TRIQK: variants seen among roughly 807,000 people sequenced by gnomAD.
TRIQK encodes triple QxxK/R motif containing.
In TRIQK, 10 loss-of-function variants were observed where a neutral mutation model predicts 10.8. That is an observed-to-expected ratio of 0.92 (90% CI 0.57 to 1.57). The LOEUF (loss-of-function observed/expected upper bound fraction) is 1.57. TRIQK is among the 40% of genes most tolerant of loss of function. TRIQK has a pLI of 0.00. For missense variants in TRIQK, 107 were observed against 97.7 expected (o/e 1.09, Z -0.40); for synonymous variants, 33 against 33.7 (o/e 0.98, Z 0.07).
In TRIQK at chr8:92,885,215, A is replaced by G. The variant is rs1816412167; in HGVS notation, c.*1407T>C. 1 of 351,842 alleles carries G rather than the reference A, an allele frequency of 2.8e-6. No homozygotes were observed. The allele number at this position is 351,842 out of a possible 1,614,324, so 21.8% of individuals were successfully genotyped here. On this transcript the variant is annotated 3_prime_UTR_variant, in exon 5 of 5. Transcript: ENST00000521988. ...CTACTTGAAAAAAATTCTACAGAAC[A>G]TAATGCTACACAGTCACAGTCGACT...
chr8:92,990,344 C>T (rs550363600), intron 1 of TRIQK, among the ~76,000 whole-genome samples: 19 of 152,152 alleles, frequency 1.2e-4, no homozygotes, highest in Admixed American at 4.6e-4. Flanking sequence ...TGTGATGCTC[C>T]TTTTTCATTT....
intron 2 of TRIQK, among the ~76,000 whole-genome samples, chr8:92,938,559 T>C (rs1356460676): frequency 1.3e-5 from 2 of 152,150 alleles, no homozygotes; most frequent in Non-Finnish European, 2.9e-5. Context: ...TGGAAAAACT[T>C]CTGACATGAT....
intron 3 of TRIQK, among the ~76,000 whole-genome samples, chr8:92,897,372 G>A (rs1225937749): frequency 6.6e-6 from 1 of 152,166 alleles, no homozygotes; most frequent in Non-Finnish European, 1.5e-5. Context: ...TAATTTGAAT[G>A]TGTCCTGAAA....
rs772277822 is a variant in TRIQK at position 92,884,399 on chromosome 8, T to C, written c.*2223A>G. ...ATATATTGTGTCACTTTACCTACTATTTACTAAAATCAGAGAGTTTAGCCT... is the reference window on the plus strand; with the variant it reads ...ATATATTGTGTCACTTTACCTACTACTTACTAAAATCAGAGAGTTTAGCCT... On this transcript the variant is annotated 3_prime_UTR_variant, in exon 5 of 5. Transcript: ENST00000521988. 9.3e-5 allele frequency: 16 copies of C among 171,966 alleles called. No individual in the cohort carries two copies. The highest frequency in any genetic ancestry group is 1.9e-4 in the Non-Finnish European group (15 of 79,370). 10.7% of individuals were successfully genotyped at this position (171,966 alleles called of 1,614,324 possible).
chr8:92,930,246 T>C (rs1339745574), intron 2 of TRIQK, among the ~76,000 whole-genome samples: 1 of 150,194 alleles, frequency 6.7e-6, no homozygotes, highest in Non-Finnish European at 1.5e-5. Flanking sequence ...AAAAATTAAC[T>C]GGTCTTGGTG....
chr8:92,895,992 T>C, intron 3 of TRIQK, among the ~76,000 whole-genome samples: 1 of 152,064 alleles, frequency 6.6e-6, no homozygotes, highest in African/African-American at 2.4e-5. Flanking sequence ...AAGAGATTAC[T>C]AGGGAGAGAA....
intron 3 of TRIQK, among the ~76,000 whole-genome samples, chr8:92,909,140 T>TA (rs966263863): frequency 2.0e-4 from 30 of 152,006 alleles, no homozygotes; most frequent in African/African-American, 4.6e-4. Flanking sequence ...GGAATCTTGT[T>TA]AAAAAAACTC....
upstream of TRIQK, among the ~76,000 whole-genome samples, chr8:92,969,774 T>C (rs898519527): frequency 3.6e-5 from 5 of 139,834 alleles, no homozygotes; most frequent in Non-Finnish European, 6.1e-5. Context: ...TTTTCTTTTT[T>C]TAAAAAAAAT....
Position 92,884,087 on chromosome 8 carries a change from C to G in TRIQK, c.*2535G>C, listed in dbSNP as rs1377259715. 1 of 151,632 alleles carries G rather than the reference C, an allele frequency of 6.6e-6. No individual in the cohort carries two copies. The highest frequency in any genetic ancestry group is 2.4e-5 in the African/African-American group (1 of 41,364). The allele number at this position is 151,632 out of a possible 1,614,324, so 9.4% of individuals were successfully genotyped here. On this transcript the variant is annotated 3_prime_UTR_variant, in exon 5 of 5. Transcript: ENST00000521988. Reference sequence around the variant, plus strand: ...TATTCTAACACTTAAAAAATCATTACAATTTTTTCTGTTTTTGTCTTCTAA... The same window carrying G: ...TATTCTAACACTTAAAAAATCATTAGAATTTTTTCTGTTTTTGTCTTCTAA...
At chr8:92,939,855 G>A (rs1234012212) in intron 2 of TRIQK, among the ~76,000 whole-genome samples, 1 of 152,228 alleles carries the variant, frequency 6.6e-6, no homozygotes. Context: ...CATTCCTAAG[G>A]AGCATAGCCT....
At chr8:92,985,245 C>T (rs556202173) in intron 1 of TRIQK, among the ~76,000 whole-genome samples, 30 of 152,174 alleles carry the variant, frequency 2.0e-4, no homozygotes, top group East Asian at 5.8e-4. Flanking sequence ...TGTGTGCACG[C>T]GCACGCATGC....
intron 1 of TRIQK, among the ~76,000 whole-genome samples, chr8:92,983,172 G>T (rs1813002179): frequency 6.6e-6 from 1 of 151,918 alleles, no homozygotes; most frequent in Admixed American, 6.6e-5. Context: ...AGACAGCAGG[G>T]TTGCTACCCA....
At chr8:93,001,722 C>G (rs1379120460) in intron 1 of TRIQK, among the ~76,000 whole-genome samples, 3 of 152,108 alleles carry the variant, frequency 2.0e-5, no homozygotes, top group African/African-American at 7.2e-5. Flanking sequence ...CAAAGGTGGA[C>G]AGGTCATCCA....
In TRIQK at chr8:92,901,447, T is replaced by C. The variant is rs530898259; in HGVS notation, c.62-9373A>G. Among the ~76,000 whole-genome samples the C allele has an allele frequency of 3.3e-5, 5 of 152,312 alleles. No individual in the cohort carries two copies. The South Asian group carries it at 6.2e-4, about 19-fold the overall frequency. The stretch of plus-strand genomic sequence containing the variant: ...TATACCCAGTTTTTTTGAGGGGTTT[T>C]TATCATGAAGGATGTTAAATTTTAT... On this transcript the variant is annotated intron_variant, in intron 3 of 4. Coordinates refer to ENST00000521988, the MANE Select transcript of TRIQK (RefSeq NM_001171797.2).
At chr8:92,935,629 C>T (rs1158019642) in intron 2 of TRIQK, among the ~76,000 whole-genome samples, 2 of 150,906 alleles carry the variant, frequency 1.3e-5, no homozygotes, top group Admixed American at 6.6e-5. Context: ...ATTTAAAAAA[C>T]AGAGTCAAAA....
chr8:92,916,928 C>T lies in TRIQK; in HGVS notation c.61+1G>A. 8 of 1,464,382 alleles carry T rather than the reference C, an allele frequency of 5.5e-6. No homozygotes were observed. The highest frequency in any genetic ancestry group is 7.2e-6 in the Non-Finnish European group (8 of 1,113,090). 90.7% of individuals were successfully genotyped at this position (1,464,382 alleles called of 1,614,324 possible). ...TGTATCAAAGATAATTCATTGCTTA[C>T]CAATTTGTTTTCTGTACTGATCAAC... On this transcript the variant is annotated splice_donor_variant, in intron 3 of 4. Coordinates refer to ENST00000521988, the MANE Select transcript of TRIQK (RefSeq NM_001171797.2). LOFTEE classifies it high-confidence loss of function.
At chr8:92,891,948 A>G (rs772475348) in intron 4 of TRIQK, 41 bp downstream of exon 4, 1 of 1,350,182 alleles carries the variant, frequency 7.4e-7, no homozygotes, top group African/African-American at 1.5e-5. Flanking sequence ...ATGAAATGGC[A>G]TGCACATATC....
intron 1 of TRIQK, among the ~76,000 whole-genome samples, chr8:93,012,818 G>C (rs1163184496): frequency 6.6e-6 from 1 of 152,154 alleles, no homozygotes; most frequent in African/African-American, 2.4e-5. Flanking sequence ...AAAATGTAGT[G>C]CTGGAACCAC....
upstream of TRIQK, among the ~76,000 whole-genome samples, chr8:92,966,409 C>T (rs190837117): frequency 2.3e-3 from 350 of 152,334 alleles, 3 homozygotes; most frequent in African/African-American, 7.9e-3. Context: ...CACACACACA[C>T]TCCCCAATTC....
Sources: gnomAD v4.1 joint callset for allele counts (sites outside exome capture counted in the v4.1 genomes callset) on GRCh38, gnomAD v4.1.1 for gene constraint, MANE v1.5 for transcripts, NCBI Gene and HGNC (gene_info 2026-07-23, HGNC 2026-07-21) for gene names.